The following COL25A1 variants were observed in gnomAD, a reference collection of about 807,000 sequenced individuals.
COL25A1 encodes collagen alpha-1(XXV) chain.
A neutral mutation model predicts 128.4 loss-of-function variants in COL25A1; 103 were observed. That is an observed-to-expected ratio of 0.80 (90% confidence interval 0.68 to 0.94). The LOEUF (loss-of-function observed/expected upper bound fraction) is 0.94, where lower values mean the gene tolerates loss of function less well. COL25A1 is among the 40% of genes least tolerant of loss of function. COL25A1 has a pLI of 0.00. For synonymous variants in COL25A1, 279 were observed against 277.2 expected (o/e 1.01, Z -0.06); for missense variants, 745 against 840.0 (o/e 0.89, Z 1.40).
chr4:109,243,725 T>C (rs570667268), intron 3 of COL25A1, among the ~76,000 whole-genome samples: 1 of 152,008 alleles, frequency 6.6e-6, no homozygotes, highest in Admixed American at 6.6e-5. Flanking sequence ...AAGAAAGATT[T>C]CTCTGAGAGT....
intron 6 of COL25A1, among the ~76,000 whole-genome samples, chr4:109,006,224 G>C (rs566941470): frequency 1.3e-5 from 2 of 151,272 alleles, no homozygotes; most frequent in Non-Finnish European, 3.0e-5. Context: ...TAATTTTGTG[G>C]GGGGGTGGCG....
intron 11 of COL25A1, among the ~76,000 whole-genome samples, chr4:108,935,638 C>T (rs371593026): frequency 6.6e-6 from 1 of 151,004 alleles, no homozygotes; most frequent in Non-Finnish European, 1.5e-5. Flanking sequence ...AAAAAAAAAA[C>T]CAGTATTGTT....
intron 8 of COL25A1, among the ~76,000 whole-genome samples, chr4:108,943,339 C>T (rs1361547059): frequency 1.3e-5 from 2 of 152,190 alleles, no homozygotes; most frequent in East Asian, 3.9e-4. Context: ...CTTTTTTGGA[C>T]AACAACAGGG....
rs1437387472 is a variant in COL25A1, at chr4:109,110,312, C to A, written c.368-60133G>T. ...GAAGCCTCATTTATTCTCTGGAGTGCTTACGTTCTTAGCATCTCCTTGAAA... is the reference window on the plus strand; with the variant it reads ...GAAGCCTCATTTATTCTCTGGAGTGATTACGTTCTTAGCATCTCCTTGAAA... On this transcript the variant is annotated intron_variant, in intron 3 of 37. Transcript: ENST00000399132. 2.0e-5 allele frequency among the ~76,000 whole-genome samples: 3 copies of A among 152,136 alleles called. No individual in the cohort carries two copies. In the East Asian group the frequency reaches 5.8e-4, roughly 29 times the overall value.
At chr4:109,208,496 AAC>A (rs914677967) in intron 3 of COL25A1, among the ~76,000 whole-genome samples, 4 of 151,864 alleles carry the variant, frequency 2.6e-5, no homozygotes, top group African/African-American at 9.7e-5. Flanking sequence ...AAAAAAAAAA[AAC>A]AAATTATTAA....
chr4:109,267,981 T>A (rs373873796), intron 3 of COL25A1, among the ~76,000 whole-genome samples: 55 of 152,132 alleles, frequency 3.6e-4, no homozygotes, highest in African/African-American at 9.2e-4. Context: ...CAAAAAAAAA[T>A]TTGCATTGTA....
At position 109,301,965 on chromosome 4, in the gene COL25A1, C is replaced by A. The variant is rs747386222; in HGVS notation, c.55G>T (p.Asp19Tyr). ...KGGGREPRSE[D>Y]PTPAEQHCAR... is the part of the protein sequence containing the mutation. Reference sequence around the variant, plus strand: ...CAATGCTGTTCGGCAGGGGTCGGGTCCTCGGATCTGGGCTCCCGGCCCCCT... The same window carrying A: ...CAATGCTGTTCGGCAGGGGTCGGGTACTCGGATCTGGGCTCCCGGCCCCCT... Residue 19 changes from aspartate (D) to tyrosine (Y), a missense_variant, in exon 2 of 38, where the codon GAC becomes TAC. Transcript: ENST00000399132. The A allele has an allele frequency of 3.1e-6, 5 of 1,611,576 alleles. No individual in the cohort carries two copies. The Admixed American group carries it at 8.3e-5, about 27-fold the overall frequency.
intron 6 of COL25A1, among the ~76,000 whole-genome samples, chr4:109,006,878 G>A (rs560528961): frequency 5.3e-5 from 8 of 152,184 alleles, no homozygotes; most frequent in Non-Finnish European, 7.4e-5. Flanking sequence ...TGGACTCATT[G>A]TGGGGAGCAA....
At chr4:109,211,232 GTA>G (rs60501090) in intron 3 of COL25A1, among the ~76,000 whole-genome samples, 981 of 94,530 alleles carry the variant, frequency 0.01, 11 homozygotes, top group Middle Eastern at 0.019. Flanking sequence ...TTGTGTGTGT[GTA>G]TGTATATATA....
chr4:109,035,979 G>A (rs1279483437), intron 5 of COL25A1, among the ~76,000 whole-genome samples: 2 of 151,878 alleles, frequency 1.3e-5, no homozygotes, highest in Non-Finnish European at 2.9e-5. Context: ...TCAGGCTGGA[G>A]TGCAGTGGCG....
chr4:108,920,604 C>T lies in COL25A1; in HGVS notation c.709G>A (p.Gly237Ser). The T allele has an allele frequency of 1.3e-6, 2 of 1,599,752 alleles. No homozygotes were observed. Among genetic ancestry groups the T allele is most frequent in the Non-Finnish European group, 1.7e-6 (2 of 1,171,174 alleles). ...PGKPGEQGLM[G>S]PLGPPGQKGS... ...TTTTGTCCCGGAGGCCCTAGAGGAC[C>T]CTAAAAAAGAAAAACGATTCAATTA... Residue 237 changes from glycine to serine, a missense_variant and splice_region_variant, in exon 12 of 38, where the codon GGT (glycine) becomes AGT (serine). Coordinates refer to ENST00000399132, the MANE Select transcript of COL25A1 (RefSeq NM_198721.4).
chr4:108,964,048 ATAATTAAATAATGTGAATAATT>A (rs1327885699), intron 8 of COL25A1, among the ~76,000 whole-genome samples: 2 of 150,608 alleles, frequency 1.3e-5, no homozygotes, highest in African/African-American at 4.8e-5. Flanking sequence ...AAATAATATC[ATAATTAAATAATGTGAATAATT>A]TAATTAAATA....
At chr4:108,956,714 T>C (rs915595228) in intron 8 of COL25A1, among the ~76,000 whole-genome samples, 2 of 152,172 alleles carry the variant, frequency 1.3e-5, no homozygotes, top group African/African-American at 2.4e-5. Context: ...CCTCAATATA[T>C]GTATTAATGA....
At chr4:109,254,505 A>ATATATATATATATATGTGTG (rs1383703429) in intron 3 of COL25A1, among the ~76,000 whole-genome samples, 20 of 105,008 alleles carry the variant, frequency 1.9e-4, no homozygotes, top group Admixed American at 5.4e-4. Flanking sequence ...ATATATATAT[A>ATATATATATATATATGTGTG]TGTATGTGTG....
chr4:109,006,124 G>A (rs994998471), intron 6 of COL25A1, among the ~76,000 whole-genome samples: 15 of 151,892 alleles, frequency 9.9e-5, no homozygotes, highest in African/African-American at 3.4e-4. Flanking sequence ...CATTTTCAGT[G>A]AGCCAAGTAA....
intron 3 of COL25A1, among the ~76,000 whole-genome samples, chr4:109,099,512 C>A (rs532709016): frequency 8.0e-5 from 12 of 149,364 alleles, no homozygotes; most frequent in African/African-American, 2.5e-4. Flanking sequence ...ATGTTAACAT[C>A]AAAAATAAAT....
chr4:108,848,685 T>C, intron 27 of COL25A1, 74 bp downstream of exon 27: 1 of 1,009,040 alleles, frequency 9.9e-7, no homozygotes, highest in South Asian at 1.3e-5. Context: ...CATGACATTT[T>C]GGCTTCAAAC....
chr4:109,014,357 G>C (rs1483118945), intron 5 of COL25A1, among the ~76,000 whole-genome samples: 2 of 151,836 alleles, frequency 1.3e-5, no homozygotes, highest in Non-Finnish European at 2.9e-5. Flanking sequence ...AGAATATATT[G>C]CATCTCTTAT....
At chr4:109,000,306 A>C (rs951437688) in intron 6 of COL25A1, among the ~76,000 whole-genome samples, 5 of 152,236 alleles carry the variant, frequency 3.3e-5, no homozygotes, top group Non-Finnish European at 5.9e-5. Flanking sequence ...AGACATAATT[A>C]TCTCTGCTGT....
Sources: gnomAD v4.1 joint callset for allele counts (sites outside exome capture counted in the v4.1 genomes callset) on GRCh38, gnomAD v4.1.1 for gene constraint, MANE v1.5 for transcripts, NCBI Gene and HGNC (gene_info 2026-07-23, HGNC 2026-07-21) for gene names.